The following FAN1 variants were observed in gnomAD, a reference collection of about 807,000 sequenced individuals.
FAN1 encodes fanconi-associated nuclease 1.
Under a neutral mutation model 104.9 loss-of-function variants are expected in FAN1, and 91 were observed. That is an observed-to-expected ratio of 0.87 (90% CI 0.73 to 1.03). The LOEUF (loss-of-function observed/expected upper bound fraction) is 1.03. FAN1 is among the 50% of genes least tolerant of loss of function. The probability of loss-of-function intolerance (pLI) is 0.00; values close to 1 mark genes in which losing one functional copy is unlikely to be tolerated. For synonymous variants in FAN1, 478 were observed against 457.6 expected (o/e 1.04, Z -0.57); for missense variants, 1,263 against 1,239.9 (o/e 1.02, Z -0.28).
intron 6 of FAN1, among the ~76,000 whole-genome samples, chr15:30,918,882 G>A (rs1157675019): frequency 6.6e-6 from 1 of 152,158 alleles, no homozygotes; most frequent in East Asian, 1.9e-4. Context: ...ACCCTTGAAT[G>A]ATGCAGGGGT....
intron 8 of FAN1, among the ~76,000 whole-genome samples, chr15:30,923,284 C>A (rs899024713): frequency 4.6e-5 from 7 of 152,274 alleles, no homozygotes; most frequent in Admixed American, 2.6e-4. Flanking sequence ...TCGGTGTTTA[C>A]TGAGGCTGAA....
Position 30,929,837 on chromosome 15 carries a change from AATATATAAAATATATATCATATATAAT to A in FAN1, c.2787+457_2787+483del, listed in dbSNP as rs1566930705. On this transcript the variant is annotated intron_variant, in intron 12 of 14. Coordinates refer to ENST00000362065, the MANE Select transcript of FAN1 (RefSeq NM_014967.5). ...TAATATATTATATCATATATAATAT[AATATATAAAATATATATCATATATAAT>A]ATATATAAAATATATAATATATATC... is the stretch of plus-strand genomic sequence containing the variant. Among the ~76,000 whole-genome samples, 136 of 76,856 alleles carry A rather than the reference AATATATAAAATATATATCATATATAAT, an allele frequency of 1.8e-3. 5 individuals carry two copies. Among genetic ancestry groups the A allele is most frequent in the Non-Finnish European group, 2.3e-3 (113 of 48,840 alleles). The allele number at this position is 76,856 out of a possible 152,430, so 50.4% of individuals were successfully genotyped here.
intron 4 of FAN1, chr15:30,911,037 C>T: frequency 2.4e-6 from 3 of 1,256,896 alleles, no homozygotes; most frequent in South Asian, 3.5e-5. Flanking sequence ...CAAGAAAAAT[C>T]GGAAGGCAAT....
rs200468714 is a variant in FAN1, at chr15:30,930,560, G to C, written c.2805G>C (p.Leu935=). 1.0e-4 allele frequency: 165 copies of C among 1,598,444 alleles called. No individual in the cohort carries two copies. The Middle Eastern group carries it at 2.5e-3, about 24-fold the overall frequency. Residue 935 remains leucine, a synonymous_variant, in exon 13 of 15, where the codon CTG becomes CTC. Coordinates refer to ENST00000362065, the MANE Select transcript of FAN1 (RefSeq NM_014967.5). ...GTGTTCAGGATCTTGTCTCCTGCCT[G>C]GGGGGCCCTGTGCTCAGTGGTGTGT... is the stretch of plus-strand genomic sequence containing the variant. ...LQQAQDLVSC[L]GGPVLSGVCR... is the part of the protein sequence containing the mutation.
intron 13 of FAN1, among the ~76,000 whole-genome samples, chr15:30,933,440 T>C (rs2062765815): frequency 6.6e-6 from 1 of 152,252 alleles, no homozygotes; most frequent in African/African-American, 2.4e-5. Context: ...TTCAGGTATC[T>C]TTCTGCTATT....
chr15:30,918,270 A>G lies in FAN1; in HGVS notation c.1918A>G (p.Arg640Gly). Reference sequence around the variant, plus strand: ...TCAGTGTGCAAAAAGGGATTGGAACAGACTGAAAAACCACCCTTCTCTGAG... The same window carrying G: ...TCAGTGTGCAAAAAGGGATTGGAACGGACTGAAAAACCACCCTTCTCTGAG... ...LAQCAKRDWN[R>G]LKNHPSLRCH... The change falls in exon 6 of 15, where the codon AGA becomes GGA. Residue 640 changes from arginine (R) to glycine (G), a missense_variant. Transcript: ENST00000362065. 6.2e-7 allele frequency: 1 copy of G among 1,614,182 alleles called. No homozygotes were observed. The highest frequency in any genetic ancestry group is 8.5e-7 in the Non-Finnish European group (1 of 1,180,020).
intron 3 of FAN1, 79 bp downstream of exon 3, chr15:30,908,337 T>A: frequency 2.4e-6 from 3 of 1,239,706 alleles, no homozygotes; most frequent in Non-Finnish European, 3.3e-6. Context: ...GCAGTATTAT[T>A]ATGGTGCCCT....
At chr15:30,941,241 A>G (rs1295334341) in intron 14 of FAN1, 5 of 1,437,904 alleles carry the variant, frequency 3.5e-6, no homozygotes, top group Non-Finnish European at 3.7e-6. Flanking sequence ...GATCACGGTT[A>G]CAAGAGCCAG....
chr15:30,935,837 C>CT (rs1026590545), intron 13 of FAN1, among the ~76,000 whole-genome samples: 51 of 151,548 alleles, frequency 3.4e-4, no homozygotes, highest in Non-Finnish European at 4.1e-4. Flanking sequence ...ATCAGAGAAT[C>CT]TTTTTTTTTC....
At chr15:30,920,499 T>C (rs369028560) in intron 6 of FAN1, 46 bp from the exon 7 acceptor site, 1 of 1,244,732 alleles carries the variant, frequency 8.0e-7, no homozygotes, top group South Asian at 1.3e-5. Context: ...TGTCTTATAA[T>C]AAATTAACCA....
In FAN1 at chr15:30,904,808, A is replaced by T; in HGVS notation, c.145A>T (p.Lys49Ter). The change falls in exon 2 of 15, where the codon AAA becomes TAA. Residue 49 changes from lysine (K) to a stop codon, truncating the protein, a stop_gained. Transcript: ENST00000362065. LOFTEE classifies it high-confidence loss of function. ...TAAACTTGCCTGCCCCGTTTGCAGTAAAATGGTGCCTAGATATGACTTAAA... is the reference window on the plus strand; with the variant it reads ...TAAACTTGCCTGCCCCGTTTGCAGTTAAATGGTGCCTAGATATGACTTAAA... ...PAKLACPVCSKMVPRYDLNRH... is the reference protein window; with the variant it reads ...PAKLACPVCS The T allele has an allele frequency of 6.2e-7, 1 of 1,613,588 alleles. No individual in the cohort carries two copies. The highest frequency in any genetic ancestry group is 2.2e-5 in the East Asian group (1 of 44,878).
Position 30,905,677 on chromosome 15 carries a change from G to T in FAN1, c.1014G>T (p.Glu338Asp). The change falls in exon 2 of 15, where the codon GAG (glutamate) becomes GAT (aspartate). Residue 338 changes from glutamate (E) to aspartate (D), a missense_variant. By Grantham distance (45) the Glu-to-Asp change is conservative (BLOSUM62 2). Coordinates refer to ENST00000362065, the MANE Select transcript of FAN1 (RefSeq NM_014967.5). ...CTTCTGCATGGAGTAACATCCAAGAGGCTCCTCTGCAGGATGACAGTTGCT... is the reference window on the plus strand; with the variant it reads ...CTTCTGCATGGAGTAACATCCAAGATGCTCCTCTGCAGGATGACAGTTGCT... Reference protein sequence around the residue: ...DDASAWSNIQEAPLQDDSCLN... With the variant: ...DDASAWSNIQDAPLQDDSCLN... 6.2e-7 allele frequency: 1 copy of T among 1,614,128 alleles called. No individual in the cohort carries two copies.
At position 30,941,558 on chromosome 15, in the gene FAN1, C is replaced by G; in HGVS notation, c.*4-8C>G. 1 of 1,603,398 alleles carries G rather than the reference C, an allele frequency of 6.2e-7. No homozygotes were observed. The highest frequency in any genetic ancestry group is 8.5e-7 in the Non-Finnish European group (1 of 1,174,282). ...TAATGGTGTTCCTAAAATGCTTCGTCTGCACAGATTCCCTACAGGAGAAAA... is the reference window on the plus strand; with the variant it reads ...TAATGGTGTTCCTAAAATGCTTCGTGTGCACAGATTCCCTACAGGAGAAAA... On this transcript the variant is annotated splice_region_variant and splice_polypyrimidine_tract_variant and intron_variant, in intron 14 of 14. Coordinates refer to ENST00000362065, the MANE Select transcript of FAN1 (RefSeq NM_014967.5).
intron 7 of FAN1, 47 bp from the exon 8 acceptor site, chr15:30,922,188 G>C: frequency 6.3e-7 from 1 of 1,590,158 alleles, no homozygotes; most frequent in Non-Finnish European, 8.5e-7. Context: ...CATTGCAGCT[G>C]GATTTTTTGT....
At chr15:30,919,504 A>G (rs1286862606) in intron 6 of FAN1, among the ~76,000 whole-genome samples, 9 of 152,010 alleles carry the variant, frequency 5.9e-5, no homozygotes, top group Non-Finnish European at 1.3e-4. Flanking sequence ...TAGCCTGGCC[A>G]ACATGGTGAA....
chr15:30,941,041 C>A, intron 14 of FAN1: 1 of 1,176,350 alleles, frequency 8.5e-7, no homozygotes, highest in South Asian at 1.7e-5. Context: ...CAGAAAAATA[C>A]ATGAATACTT....
At chr15:30,935,068 G>C (rs988301294) in intron 13 of FAN1, among the ~76,000 whole-genome samples, 5 of 152,154 alleles carry the variant, frequency 3.3e-5, no homozygotes, top group African/African-American at 1.2e-4. Flanking sequence ...CACTTTGGGA[G>C]GCTGAGGTGG....
intron 14 of FAN1, among the ~76,000 whole-genome samples, chr15:30,937,888 TA>T (rs1218587495): frequency 3.3e-5 from 5 of 150,886 alleles, no homozygotes; most frequent in African/African-American, 9.7e-5. Context: ...GTTTTTTTTA[TA>T]AAAAAGTAGT....
intron 5 of FAN1, among the ~76,000 whole-genome samples, chr15:30,916,006 A>G (rs2140917322): frequency 6.6e-6 from 1 of 152,334 alleles, no homozygotes; most frequent in Non-Finnish European, 1.5e-5. Flanking sequence ...TAAGTTATTG[A>G]AATTTTTGAA....
Sources: gnomAD v4.1 joint callset for allele counts (sites outside exome capture counted in the v4.1 genomes callset) on GRCh38, gnomAD v4.1.1 for gene constraint, MANE v1.5 for transcripts, NCBI Gene and HGNC (gene_info 2026-07-23, HGNC 2026-07-21) for gene names.